XPO6: variants seen among roughly 807,000 people sequenced by gnomAD.
XPO6 encodes the protein exportin-6.
A neutral mutation model predicts 130.0 loss-of-function variants in XPO6; 3 were observed. That is an observed-to-expected ratio of 0.02 (90% CI 0.01 to 0.06). The LOEUF is 0.06. Ranked by LOEUF, XPO6 falls within the 10% of genes least tolerant of loss-of-function variation. XPO6 has a pLI of 1.00. For missense variants in XPO6, 970 were observed against 1,393.0 expected (o/e 0.70, Z 4.83); for synonymous variants, 524 against 548.9 (o/e 0.95, Z 0.63).
intron 18 of XPO6, 40 bp downstream of exon 18, chr16:28,107,482 T>C (rs1392693172): frequency 6.2e-7 from 1 of 1,611,530 alleles, no homozygotes; most frequent in Admixed American, 1.7e-5. Flanking sequence ...TGGCCCTTGT[T>C]AGCACCACCC....
At chr16:28,159,208 G>A (rs1318427661) in intron 6 of XPO6, among the ~76,000 whole-genome samples, 1 of 151,938 alleles carries the variant, frequency 6.6e-6, no homozygotes, top group Non-Finnish European at 1.5e-5. Flanking sequence ...TCCAGCCTGG[G>A]TGACAGAGCA....
At position 28,146,134 on chromosome 16, in the gene XPO6, T is replaced by C. The variant is rs1374117562; in HGVS notation, c.1294A>G (p.Ile432Val). ...TLFLDYLTSKIKSRLGDKEAV... is the reference protein window; with the variant it reads ...TLFLDYLTSKVKSRLGDKEAV... ...TCCTTGTCTCCAAGACGACTTTTAA[T>C]TTTACTTGTCAGATAGTCCAAAAAC... The change falls in exon 9 of 24, where the codon ATT becomes GTT. Residue 432 changes from isoleucine (I) to valine (V), a missense_variant. By Grantham distance (29) the Ile-to-Val change is conservative. Coordinates refer to ENST00000304658, the MANE Select transcript of XPO6 (RefSeq NM_015171.4). 1 of 1,614,010 alleles carries C rather than the reference T, an allele frequency of 6.2e-7. No homozygotes were observed. Among genetic ancestry groups the C allele is most frequent in the Non-Finnish European group, 8.5e-7 (1 of 1,179,986 alleles).
intron 4 of XPO6, among the ~76,000 whole-genome samples, chr16:28,175,685 A>C (rs200881296): frequency 6.6e-6 from 1 of 152,184 alleles, no homozygotes; most frequent in Non-Finnish European, 1.5e-5. Flanking sequence ...CAAGAGGTTA[A>C]AAAGAGATTA....
intron 6 of XPO6, among the ~76,000 whole-genome samples, chr16:28,159,029 A>G (rs941252466): frequency 5.9e-5 from 9 of 152,146 alleles, no homozygotes; most frequent in African/African-American, 2.2e-4. Context: ...CAGGAGTTCA[A>G]AACCAGCTTG....
chr16:28,150,733 G>A (rs2043071030), intron 8 of XPO6, among the ~76,000 whole-genome samples: 2 of 152,032 alleles, frequency 1.3e-5, no homozygotes, highest in Admixed American at 6.6e-5. Context: ...CTCAGAACTG[G>A]CTCCTCAGCT....
intron 13 of XPO6, among the ~76,000 whole-genome samples, chr16:28,123,720 T>C (rs11640163): frequency 1.5e-3 from 233 of 152,288 alleles, no homozygotes; most frequent in Non-Finnish European, 2.5e-3. Flanking sequence ...GAAAACAATA[T>C]ACCAATATGC....
At chr16:28,139,090 T>G (rs2042836746) in intron 9 of XPO6, among the ~76,000 whole-genome samples, 1 of 152,188 alleles carries the variant, frequency 6.6e-6, no homozygotes, top group African/African-American at 2.4e-5. Context: ...TAACCCTCAA[T>G]GTGTCTGTAT....
intron 6 of XPO6, among the ~76,000 whole-genome samples, chr16:28,157,804 A>G (rs919009482): frequency 6.6e-6 from 1 of 152,228 alleles, no homozygotes; most frequent in African/African-American, 2.4e-5. Flanking sequence ...GAACCTTCAC[A>G]AGGCGGTGCA....
At chr16:28,110,765 CTGAA>C (rs1376567350) in intron 17 of XPO6, among the ~76,000 whole-genome samples, 5 of 152,226 alleles carry the variant, frequency 3.3e-5, no homozygotes, top group African/African-American at 1.2e-4. Flanking sequence ...AATGTAAGAA[CTGAA>C]TGAATTACTG....
At chr16:28,195,684 C>A (rs953816852) in intron 1 of XPO6, among the ~76,000 whole-genome samples, 10 of 152,088 alleles carry the variant, frequency 6.6e-5, no homozygotes, top group African/African-American at 2.2e-4. Flanking sequence ...ATCCAGGAGG[C>A]GGAGGTTGCA....
At chr16:28,130,572 A>G (rs963707801) in intron 12 of XPO6, among the ~76,000 whole-genome samples, 1 of 152,090 alleles carries the variant, frequency 6.6e-6, no homozygotes, top group East Asian at 1.9e-4. Context: ...TGGATGAGAG[A>G]GCTCGTTTTA....
intron 9 of XPO6, among the ~76,000 whole-genome samples, chr16:28,142,853 C>G (rs1055430315): frequency 6.6e-6 from 1 of 152,042 alleles, no homozygotes; most frequent in Non-Finnish European, 1.5e-5. Context: ...ACTACACGTG[C>G]ACACTACCAT....
intron 8 of XPO6, among the ~76,000 whole-genome samples, chr16:28,149,017 G>A (rs1159001269): frequency 1.3e-5 from 2 of 150,744 alleles, no homozygotes; most frequent in East Asian, 3.9e-4. Flanking sequence ...ACTCCAGCGT[G>A]GGCGACAAGA....
chr16:28,177,399 T>C (rs1234503859), intron 2 of XPO6, 67 bp from the exon 3 acceptor site: 1 of 879,420 alleles, frequency 1.1e-6, no homozygotes, highest in Non-Finnish European at 1.8e-6. Flanking sequence ...GACTGGGCTA[T>C]CTTATTATTA....
At chr16:28,158,672 G>A (rs1002602012) in intron 6 of XPO6, among the ~76,000 whole-genome samples, 10 of 152,072 alleles carry the variant, frequency 6.6e-5, no homozygotes, top group African/African-American at 2.2e-4. Flanking sequence ...GGAGGACCAC[G>A]GGGCTACTCT....
intron 6 of XPO6, chr16:28,165,518 CAAGT>C (rs909369575): frequency 3.3e-5 from 5 of 152,010 alleles, no homozygotes; most frequent in African/African-American, 7.3e-5. Flanking sequence ...ATTTTTAATC[CAAGT>C]AAGATAATGA....
At chr16:28,148,797 T>G (rs1345935501) in intron 8 of XPO6, among the ~76,000 whole-genome samples, 3 of 151,946 alleles carry the variant, frequency 2.0e-5, no homozygotes, top group African/African-American at 7.3e-5. Flanking sequence ...ATCCCAGCAC[T>G]TTGGGAGGCT....
At chr16:28,166,427 A>T in intron 6 of XPO6, 81 bp downstream of exon 6, 1 of 1,465,596 alleles carries the variant, frequency 6.8e-7, no homozygotes, top group Non-Finnish European at 9.3e-7. Context: ...CTCAGTACTG[A>T]GGACTACAGT....
intron 7 of XPO6, chr16:28,154,271 A>AAAAAAAAAAC: frequency 1.0e-6 from 1 of 981,780 alleles, no homozygotes; most frequent in African/African-American, 1.8e-5. Flanking sequence ...AAAAAAAAAA[A>AAAAAAAAAAC]AAAAAAAAGC....
Sources: gnomAD v4.1 joint callset for allele counts (sites outside exome capture counted in the v4.1 genomes callset) on GRCh38, gnomAD v4.1.1 for gene constraint, MANE v1.5 for transcripts, NCBI Gene and HGNC (gene_info 2026-07-23, HGNC 2026-07-21) for gene names.